FOXN1: variants seen among roughly 807,000 people sequenced by gnomAD.
FOXN1 encodes forkhead box N1, also known as forkhead box protein N1.
FOXN1 carries 15 observed loss-of-function variants against 49.0 expected under a neutral mutation model. The ratio of observed to expected loss-of-function variants is 0.31; its 90% confidence interval spans 0.20 to 0.47. FOXN1 has a LOEUF of 0.47. Ranked by LOEUF, FOXN1 falls within the 20% of genes least tolerant of loss-of-function variation. The pLI, the probability that FOXN1 is intolerant of heterozygous loss-of-function variation, is 1.00. For synonymous variants in FOXN1, 356 were observed against 369.0 expected (o/e 0.96, Z 0.40); for missense variants, 800 against 842.8 (o/e 0.95, Z 0.63).
intron 1 of FOXN1, among the ~76,000 whole-genome samples, chr17:28,519,445 A>C (rs1398847149): frequency 6.6e-6 from 1 of 152,136 alleles, no homozygotes; most frequent in Admixed American, 6.5e-5. Flanking sequence ...TCCAGGAAGC[A>C]GGTGGTTGTG....
At chr17:28,519,670 C>A (rs2069600857) in intron 1 of FOXN1, among the ~76,000 whole-genome samples, 1 of 152,192 alleles carries the variant, frequency 6.6e-6, no homozygotes, top group South Asian at 2.1e-4. Context: ...CAGATGTCAG[C>A]CCCAGGACAC....
intron 1 of FOXN1, among the ~76,000 whole-genome samples, chr17:28,516,725 C>T (rs560740046): frequency 2.1e-5 from 3 of 143,996 alleles, no homozygotes; most frequent in Admixed American, 6.9e-5. Context: ...ACAGGATCCA[C>T]ACCTCCACAG....
chr17:28,533,635 C>T (rs925127690), intron 6 of FOXN1, among the ~76,000 whole-genome samples: 2 of 152,166 alleles, frequency 1.3e-5, no homozygotes, highest in Admixed American at 6.5e-5. Flanking sequence ...TCCTCACAGT[C>T]GAGGAATTCA....
At chr17:28,508,768 C>T (rs1462396167) in intron 1 of FOXN1, among the ~76,000 whole-genome samples, 7 of 152,132 alleles carry the variant, frequency 4.6e-5, no homozygotes, top group South Asian at 2.1e-4. Context: ...CTTCTGCCTG[C>T]CTCCCCATCT....
chr17:28,526,491 G>A (rs1359951816), intron 3 of FOXN1, among the ~76,000 whole-genome samples: 1 of 152,222 alleles, frequency 6.6e-6, no homozygotes, highest in African/African-American at 2.4e-5. Context: ...TCACCGGAGA[G>A]CTCTGCACTA....
Position 28,535,209 on chromosome 17 carries a change from G to A in FOXN1, c.1627+11G>A, listed in dbSNP as rs1402641805. 1.2e-6 allele frequency: 2 copies of A among 1,611,860 alleles called. No individual in the cohort carries two copies. The highest frequency in any genetic ancestry group is 1.3e-5 in the African/African-American group (1 of 74,916). On this transcript the variant is annotated intron_variant, in intron 8 of 8. Coordinates refer to ENST00000579795, the MANE Select transcript of FOXN1 (RefSeq NM_001369369.1). ...ACTTCGACTTCCAGGGTGAGCTGGG[G>A]GTGGGAAAGGGAAGGTGGGACAGGA... is the stretch of plus-strand genomic sequence containing the variant.
Position 28,528,522 on chromosome 17 carries a change from C to T in FOXN1, c.700-572C>T, listed in dbSNP as rs2069826801. On this transcript the variant is annotated intron_variant, in intron 4 of 8. Coordinates refer to ENST00000579795, the MANE Select transcript of FOXN1 (RefSeq NM_001369369.1). ...TCTCTTGGGTAACCTGGAAAGAGCT[C>T]TTCAGCCTGGAGCAGCTGGGGGAGT... Among the ~76,000 whole-genome samples, 3 of 152,138 alleles carry T rather than the reference C, an allele frequency of 2.0e-5. No homozygotes were observed. In the South Asian group the frequency reaches 6.2e-4, roughly 31 times the overall value.
intron 4 of FOXN1, among the ~76,000 whole-genome samples, chr17:28,528,351 C>T (rs553765774): frequency 6.6e-6 from 1 of 152,306 alleles, no homozygotes; most frequent in East Asian, 1.9e-4. Context: ...GATTGAGCCA[C>T]AGAAGGACTA....
chr17:28,524,508 T>C lies in FOXN1; in HGVS notation c.129T>C (p.His43=). 6.2e-7 allele frequency: 1 copy of C among 1,613,660 alleles called. No individual in the cohort carries two copies. Among genetic ancestry groups the C allele is most frequent in the Non-Finnish European group, 8.5e-7 (1 of 1,179,946 alleles). The part of the protein sequence containing the change: ...LPGSPAPQSK[H]AGFSCSSFVS... Reference sequence around the variant, plus strand: ...GCTACTCTCTGTCTACCCAGAAGCATGCCGGCTTCAGCTGCTCGTCATTTG... The same window carrying C: ...GCTACTCTCTGTCTACCCAGAAGCACGCCGGCTTCAGCTGCTCGTCATTTG... Residue 43 remains histidine (H), a synonymous_variant, in exon 3 of 9, where the codon CAT becomes CAC. Coordinates refer to ENST00000579795, the MANE Select transcript of FOXN1 (RefSeq NM_001369369.1).
At chr17:28,526,449 C>T (rs570499) in intron 3 of FOXN1, among the ~76,000 whole-genome samples, 98,589 of 152,148 alleles carry the variant, frequency 0.65, 33,762 homozygotes, top group East Asian at 0.88. Flanking sequence ...GTCCACCTTC[C>T]GGGGCCTAGC....
Position 28,524,505 on chromosome 17 carries a change from G to C in FOXN1, c.126G>C (p.Lys42Asn). 1 of 1,613,608 alleles carries C rather than the reference G, an allele frequency of 6.2e-7. No individual in the cohort carries two copies. Among genetic ancestry groups the C allele is most frequent in the Non-Finnish European group, 8.5e-7 (1 of 1,179,912 alleles). The change falls in exon 3 of 9, where the codon AAG becomes AAC. Residue 42 changes from lysine (K) to asparagine (N), a missense_variant and splice_region_variant. Lys to Asn is a moderately conservative substitution (Grantham distance 94, BLOSUM62 0). Transcript: ENST00000579795. ...CTCGCTACTCTCTGTCTACCCAGAAGCATGCCGGCTTCAGCTGCTCGTCAT... is the reference window on the plus strand; with the variant it reads ...CTCGCTACTCTCTGTCTACCCAGAACCATGCCGGCTTCAGCTGCTCGTCAT... The part of the protein sequence containing the change: ...GLPGSPAPQS[K>N]HAGFSCSSFV...
At position 28,534,943 on chromosome 17, in the gene FOXN1, C is replaced by G; in HGVS notation, c.1372C>G (p.Leu458Val). 1 of 1,614,110 alleles carries G rather than the reference C, an allele frequency of 6.2e-7. No individual in the cohort carries two copies. Among genetic ancestry groups the G allele is most frequent in the Non-Finnish European group, 8.5e-7 (1 of 1,179,996 alleles). Residue 458 changes from leucine (L) to valine (V), a missense_variant, in exon 8 of 9, where the codon CTC (leucine) becomes GTC (valine). By Grantham distance (32) the Leu-to-Val change is conservative. Around this residue, in one of 3 missense-constraint regions of FOXN1, gnomAD observed 344 missense variants for 366.1 expected, o/e 0.94. Transcript: ENST00000579795. This position sits in a 1 kb window ranked among gnomAD's most constrained non-coding sequence, Gnocchi z 4.1. ...CTGCTATGGGCAGACATACTTGCACCTCTCACCAGGCCTGGCCCCTCCTGG... is the reference window on the plus strand; with the variant it reads ...CTGCTATGGGCAGACATACTTGCACGTCTCACCAGGCCTGGCCCCTCCTGG... ...PSCYGQTYLH[L>V]SPGLAPPGPP... is the part of the protein sequence containing the mutation.
rs1597551573 is a variant in FOXN1 at position 28,524,756 on chromosome 17, A to G, written c.377A>G (p.Tyr126Cys). The change falls in exon 3 of 9, where the codon TAC becomes TGC. Residue 126 changes from tyrosine to cysteine, a missense_variant. Physicochemically the swap from Tyr to Cys is radical, Grantham distance 194. Transcript: ENST00000579795. ...GGCAGCCACGCGCCCTTCCACCCGT[A>G]CAAGCGGCCTTTCCATGAGGACGTC... ...LKGSHAPFHPYKRPFHEDVFP... is the reference protein window; with the variant it reads ...LKGSHAPFHPCKRPFHEDVFP... 1 of 1,613,322 alleles carries G rather than the reference A, an allele frequency of 6.2e-7. No homozygotes were observed. The highest frequency in any genetic ancestry group is 8.5e-7 in the Non-Finnish European group (1 of 1,179,776).
At position 28,523,973 on chromosome 17, in the gene FOXN1, G is replaced by A; in HGVS notation, c.4G>A (p.Val2Met). Residue 2 changes from valine (V) to methionine (M), a missense_variant, in exon 2 of 9, where the codon GTG becomes ATG. By Grantham distance (21) the Val-to-Met change is conservative. Around this residue, in one of 3 missense-constraint regions of FOXN1, gnomAD observed 383 missense variants for 357.9 expected, o/e 1.07. Transcript: ENST00000579795. ...TCTTTGAGGCCAGGACTGGGTGATG[G>A]TGTCGCTACCCCCGCCGCAGTCTGA... M[V>M]SLPPPQSDVT... 1 of 1,613,000 alleles carries A rather than the reference G, an allele frequency of 6.2e-7. No individual in the cohort carries two copies. The highest frequency in any genetic ancestry group is 8.5e-7 in the Non-Finnish European group (1 of 1,179,936).
rs879646509 is a variant in FOXN1, at chr17:28,534,819, A to G, written c.1248A>G (p.Pro416=). The change falls in exon 8 of 9, where the codon CCA becomes CCG. Residue 416 remains proline, a synonymous_variant. Coordinates refer to ENST00000579795, the MANE Select transcript of FOXN1 (RefSeq NM_001369369.1). The surrounding 1 kb of genome is among the most constrained non-coding windows in gnomAD (Gnocchi z 4.1). ...GCCCCATCCGGCCCCTGGCACCCCC[A>G]GCTGGCCTCTCCCCACCACTGCACT... ...GSGPIRPLAP[P]AGLSPPLHSL... is the part of the protein sequence containing the mutation. 7 of 1,613,406 alleles carry G rather than the reference A, an allele frequency of 4.3e-6. No homozygotes were observed. The highest frequency in any genetic ancestry group is 1.7e-5 in the Admixed American group (1 of 59,960).
At chr17:28,535,950 T>C (rs1296521597) in intron 8 of FOXN1, among the ~76,000 whole-genome samples, 2 of 152,174 alleles carry the variant, frequency 1.3e-5, no homozygotes, top group Non-Finnish European at 2.9e-5. Flanking sequence ...TGGAGAGATT[T>C]GGAGATAGGA....
chr17:28,507,173 G>T (rs1303733147), intron 1 of FOXN1, among the ~76,000 whole-genome samples: 3 of 152,228 alleles, frequency 2.0e-5, no homozygotes, highest in Non-Finnish European at 4.4e-5. Context: ...TTGGGGCCTA[G>T]AGTTGGGGGC....
rs764179789 is a variant in FOXN1, at chr17:28,537,483, C to A, written c.*47C>A. On this transcript the variant is annotated 3_prime_UTR_variant, in exon 9 of 9. Coordinates refer to ENST00000579795, the MANE Select transcript of FOXN1 (RefSeq NM_001369369.1). ...TCCAGCGTTTGCCTGGTCTGGAAGT[C>A]CTGGCCGGCCGCCCACATCGGGCTC... is the stretch of plus-strand genomic sequence containing the variant. 6.8e-7 allele frequency: 1 copy of A among 1,473,348 alleles called. No homozygotes were observed. The highest frequency in any genetic ancestry group is 9.5e-7 in the Non-Finnish European group (1 of 1,053,898). 91.3% of individuals were successfully genotyped at this position (1,473,348 alleles called of 1,614,324 possible).
At chr17:28,531,243 G>A (rs928408397) in intron 6 of FOXN1, among the ~76,000 whole-genome samples, 4 of 152,214 alleles carry the variant, frequency 2.6e-5, no homozygotes, top group Non-Finnish European at 2.9e-5. Context: ...AGTCAGCCAC[G>A]GTGACTGGGA....
Sources: allele counts gnomAD v4.1 joint callset (sites outside exome capture counted in the v4.1 genomes callset), GRCh38; gene constraint gnomAD v4.1.1; regional missense constraint gnomAD v4.1.1; non-coding constraint Gnocchi (gnomAD v3.1); transcripts MANE v1.5; gene names NCBI Gene and HGNC (gene_info 2026-07-23, HGNC 2026-07-21).